The following COL1A1 variants were observed in gnomAD, a reference collection of about 807,000 sequenced individuals.
COL1A1 encodes collagen alpha-1(I) chain.
Under a neutral mutation model 195.7 loss-of-function variants are expected in COL1A1, and 21 were observed. The ratio of observed to expected loss-of-function variants is 0.11; its 90% confidence interval spans 0.08 to 0.15. COL1A1 has a LOEUF of 0.15. Ranked by LOEUF, COL1A1 falls within the 10% of genes least tolerant of loss-of-function variation. The pLI, the probability that COL1A1 is intolerant of heterozygous loss-of-function variation, is 1.00. For synonymous variants in COL1A1, 749 were observed against 747.3 expected (o/e 1.00, Z -0.04); for missense variants, 1,365 against 2,051.0 (o/e 0.67, Z 6.46).
Position 50,194,488 on chromosome 17 carries a change from T to C in COL1A1, c.1516-41A>G, listed in dbSNP as rs1356130451. On this transcript the variant is annotated intron_variant, in intron 22 of 50. Coordinates refer to ENST00000225964, the MANE Select transcript of COL1A1 (RefSeq NM_000088.4). This position sits in a 1 kb window ranked among gnomAD's most constrained non-coding sequence, Gnocchi z 6.8. The stretch of plus-strand genomic sequence containing the variant: ...CACAGGAACAGTTAGGGTCTCAAGT[T>C]TGTGGCTCTTTGCCACGGGCCAAAA... 3.7e-6 allele frequency: 6 copies of C among 1,613,222 alleles called. No homozygotes were observed. The highest frequency in any genetic ancestry group is 5.1e-6 in the Non-Finnish European group (6 of 1,179,498).
At position 50,186,120 on chromosome 17, in the gene COL1A1, A is replaced by T; in HGVS notation, c.4006-100T>A. 1 of 1,569,288 alleles carries T rather than the reference A, an allele frequency of 6.4e-7. No individual in the cohort carries two copies. The highest frequency in any genetic ancestry group is 8.6e-7 in the Non-Finnish European group (1 of 1,158,980). On this transcript the variant is annotated intron_variant, in intron 49 of 50. Transcript: ENST00000225964. This position sits in a 1 kb window ranked among gnomAD's most constrained non-coding sequence, Gnocchi z 5.3. ...GGGTCCTCAGAGAGCTGCCCAATGC[A>T]CCGTTATATCGAGAGGAGGCACCAC...
chr17:50,196,511 AGG>A lies in COL1A1; in HGVS notation c.874_875del (p.Pro292TrpfsTer2). The stretch of plus-strand genomic sequence containing the variant: ...TCTGACCAGGAGCTCCATTTTCACC[AGG>A]GCTGCCAGGCTCACCCTGTAGATCA... ...PAGPKGEPGS[P>X]GENGAPGQMG... On this transcript the variant is annotated frameshift_variant, in exon 13 of 51. Coordinates refer to ENST00000225964, the MANE Select transcript of COL1A1 (RefSeq NM_000088.4). LOFTEE classifies it high-confidence loss of function. 6.2e-7 allele frequency: 1 copy of A among 1,614,184 alleles called. No individual in the cohort carries two copies. The highest frequency in any genetic ancestry group is 8.5e-7 in the Non-Finnish European group (1 of 1,180,032).
At chr17:50,187,725 G>T in intron 45 of COL1A1, 151 bp downstream of exon 45, 1 of 926,250 alleles carries the variant, frequency 1.1e-6, no homozygotes, top group Non-Finnish European at 1.7e-6. Context: ...CACCCTCTCA[G>T]AAGCTACTTG....
At position 50,185,546 on chromosome 17, in the gene COL1A1, C is replaced by A. The variant is rs1339511647; in HGVS notation, c.4351G>T (p.Asp1451Tyr). The A allele has an allele frequency of 4.3e-6, 7 of 1,613,056 alleles. No homozygotes were observed. The highest frequency in any genetic ancestry group is 5.9e-6 in the Non-Finnish European group (7 of 1,179,892). Residue 1451 changes from aspartate (D) to tyrosine (Y), a missense_variant, in exon 51 of 51, where the codon GAC becomes TAC. Physicochemically the swap from Asp to Tyr is radical, Grantham distance 160. Coordinates refer to ENST00000225964, the MANE Select transcript of COL1A1 (RefSeq NM_000088.4). ...CCAACGTCGAAGCCGAATTCCTGGT[C>A]TGGGGCACCAACGTCCAAGGGGGCC... ...DVAPLDVGAP[D>Y]QEFGFDVGPV...
In COL1A1 at chr17:50,199,677, G is replaced by A; in HGVS notation, c.298+76C>T. 7 of 1,606,354 alleles carry A rather than the reference G, an allele frequency of 4.4e-6. No homozygotes were observed. The South Asian group carries it at 7.7e-5, about 18-fold the overall frequency. On this transcript the variant is annotated intron_variant, in intron 2 of 50. Transcript: ENST00000225964. ...GGCCTCCAGCACGGAGGGCCAGCGA[G>A]CGCCGACCACCCCCAGCCCCAGCCC...
rs1906302647 is a variant in COL1A1 at position 50,184,525 on chromosome 17, G to A, written c.*977C>T. 1 of 221,584 alleles carries A rather than the reference G, an allele frequency of 4.5e-6. No individual in the cohort carries two copies. The highest frequency in any genetic ancestry group is 9.0e-6 in the Non-Finnish European group (1 of 111,226). The allele number at this position is 221,584 out of a possible 1,614,324, so 13.7% of individuals were successfully genotyped here. On this transcript the variant is annotated 3_prime_UTR_variant, in exon 51 of 51. Transcript: ENST00000225964. ...ATATCAAGGAATAAAAATAGACTTT[G>A]AACAAAAAGGAACATTTGCTGGCCT... is the stretch of plus-strand genomic sequence containing the variant.
In COL1A1 at chr17:50,190,564, G is replaced by A. The variant is rs1024602742; in HGVS notation, c.2376C>T (p.Pro792=). 2 of 1,612,480 alleles carry A rather than the reference G, an allele frequency of 1.2e-6. No homozygotes were observed. The highest frequency in any genetic ancestry group is 1.7e-6 in the Non-Finnish European group (2 of 1,179,062). The part of the protein sequence containing the change: ...GESGPSGPAG[P]TGARGAPGDR... ...TTACGGGGGCACCACGAGCTCCAGTGGGACCAGCAGGGCCGCTGGGACCAC... is the reference window on the plus strand; with the variant it reads ...TTACGGGGGCACCACGAGCTCCAGTAGGACCAGCAGGGCCGCTGGGACCAC... The change falls in exon 34 of 51, where the codon CCC becomes CCT. Residue 792 remains proline, a synonymous_variant. Coordinates refer to ENST00000225964, the MANE Select transcript of COL1A1 (RefSeq NM_000088.4). This position sits in a 1 kb window ranked among gnomAD's most constrained non-coding sequence, Gnocchi z 4.7.
rs1311018170 is a variant in COL1A1 at position 50,197,003 on chromosome 17, G to A, written c.804+7C>T. 4.3e-6 allele frequency: 7 copies of A among 1,614,006 alleles called. No individual in the cohort carries two copies. In the South Asian group the frequency reaches 4.4e-5, roughly 10 times the overall value. ...TGGGGAGCTTAAATGACTCAAAGGT[G>A]ACTCACTCTGTGTCCCTTCATTCCA... On this transcript the variant is annotated splice_region_variant and intron_variant, in intron 11 of 50. Transcript: ENST00000225964.
At position 50,188,967 on chromosome 17, in the gene COL1A1, C is replaced by T. The variant is rs548928043; in HGVS notation, c.2981G>A (p.Arg994His). ...KQGPSGASGE[R>H]GPPGPMGPPG... ...GGGGCCCATGGGACCAGGGGGACCA[C>T]GTTCACCACTTGCTCCAGAGGGACC... Residue 994 changes from arginine (R) to histidine (H), a missense_variant, in exon 41 of 51, where the codon CGT (arginine) becomes CAT (histidine). Coordinates refer to ENST00000225964, the MANE Select transcript of COL1A1 (RefSeq NM_000088.4). This position sits in a 1 kb window ranked among gnomAD's most constrained non-coding sequence, Gnocchi z 5.6. 2.4e-5 allele frequency: 39 copies of T among 1,610,722 alleles called. No individual in the cohort carries two copies. The highest frequency in any genetic ancestry group is 1.0e-4 in the Admixed American group (6 of 59,824).
At position 50,193,689 on chromosome 17, in the gene COL1A1, G is replaced by A. The variant is rs1009159521; in HGVS notation, c.1767+254C>T. ...GTAGAGACGTGGTTTCACTATGTTG[G>A]CCCGACTGGTCTCAAACTCCTGACC... On this transcript the variant is annotated intron_variant, in intron 25 of 50. Coordinates refer to ENST00000225964, the MANE Select transcript of COL1A1 (RefSeq NM_000088.4). The A allele has an allele frequency of 1.2e-5, 6 of 483,350 alleles. No individual in the cohort carries two copies. In the East Asian group the frequency reaches 2.4e-4, roughly 19 times the overall value. 29.9% of individuals were successfully genotyped at this position (483,350 alleles called of 1,614,324 possible). A position where few individuals can be genotyped will look rare whatever the true frequency, so the allele number is the denominator to read the frequency against.
intron 11 of COL1A1, 150 bp from the exon 12 acceptor site, chr17:50,196,820 C>T: frequency 8.7e-7 from 1 of 1,151,712 alleles, no homozygotes; most frequent in Non-Finnish European, 1.3e-6. Context: ...CTCTAGATCT[C>T]ACCCAATCGT....
rs778734618 is a variant in COL1A1, at chr17:50,185,984, C to T, written c.4042G>A (p.Val1348Met). The change falls in exon 50 of 51, where the codon GTG becomes ATG. Residue 1348 changes from valine (V) to methionine (M), a missense_variant. Val to Met is a conservative substitution (Grantham distance 21). Transcript: ENST00000225964. ...YGGQGSDPAD[V>M]AIQLTFLRLM... is the part of the protein sequence containing the mutation. The stretch of plus-strand genomic sequence containing the variant: ...CGCAGGAAGGTCAGCTGGATGGCCA[C>T]ATCGGCAGGGTCGGAGCCCTGGCCG... The T allele has an allele frequency of 1.2e-6, 2 of 1,613,646 alleles. No homozygotes were observed. Among genetic ancestry groups the T allele is most frequent in the Admixed American group, 1.7e-5 (1 of 60,018 alleles).
chr17:50,198,019 A>C lies in COL1A1; in HGVS notation c.589-17T>G. 1 of 1,613,888 alleles carries C rather than the reference A, an allele frequency of 6.2e-7. No homozygotes were observed. Among genetic ancestry groups the C allele is most frequent in the Non-Finnish European group, 8.5e-7 (1 of 1,179,902 alleles). ...TTGGGGACCCTTGAGAAGAAGGAAAAAGATGGGTTAGAAGACAAGTCCCTG... is the reference window on the plus strand; with the variant it reads ...TTGGGGACCCTTGAGAAGAAGGAAACAGATGGGTTAGAAGACAAGTCCCTG... On this transcript the variant is annotated splice_polypyrimidine_tract_variant and intron_variant, in intron 7 of 50. Coordinates refer to ENST00000225964, the MANE Select transcript of COL1A1 (RefSeq NM_000088.4).
chr17:50,186,408 G>A lies in COL1A1; in HGVS notation c.3914C>T (p.Pro1305Leu), dbSNP rs201746814. The A allele has an allele frequency of 1.2e-6, 2 of 1,614,152 alleles. No individual in the cohort carries two copies. The highest frequency in any genetic ancestry group is 4.5e-5 in the East Asian group (2 of 44,884). Residue 1305 changes from proline (P) to leucine (L), a missense_variant, in exon 49 of 51, where the codon CCC becomes CTC. By Grantham distance (98) the Pro-to-Leu change is moderately conservative. Around this residue, in one of 5 missense-constraint regions of COL1A1, gnomAD observed 273 missense variants for 338.6 expected, o/e 0.81. Coordinates refer to ENST00000225964, the MANE Select transcript of COL1A1 (RefSeq NM_000088.4). This position sits in a 1 kb window ranked among gnomAD's most constrained non-coding sequence, Gnocchi z 5.3. ...TGETCVYPTQPSVAQKNWYIS... is the reference protein window; with the variant it reads ...TGETCVYPTQLSVAQKNWYIS... ...GTACCAGTTCTTCTGGGCCACACTG[G>A]GCTGAGTGGGGTACACGCAGGTCTC...
Position 50,186,331 on chromosome 17 carries a change from T to C in COL1A1, c.3991A>G (p.Thr1331Ala). Residue 1331 changes from threonine (T) to alanine (A), a missense_variant, in exon 49 of 51, where the codon ACC becomes GCC. Transcript: ENST00000225964. The surrounding 1 kb of genome is among the most constrained non-coding windows in gnomAD (Gnocchi z 5.3). ...KRHVWFGESM[T>A]DGFQFEYGGQ... ...AGCTCACGCACCTGGAATCCATCGG[T>C]CATGCTCTCGCCGAACCAGACATGC... The C allele has an allele frequency of 6.2e-7, 1 of 1,614,204 alleles. No individual in the cohort carries two copies. Among genetic ancestry groups the C allele is most frequent in the Non-Finnish European group, 8.5e-7 (1 of 1,180,034 alleles).
In COL1A1 at chr17:50,194,037, G is replaced by T. The variant is rs1434840230; in HGVS notation, c.1673C>A (p.Pro558His). Reference sequence around the variant, plus strand: ...TCCGGGGCGACCATCTTGACCGGCGGGACCCTAAGGATGGGAGGCACGAAA... The same window carrying T: ...TCCGGGGCGACCATCTTGACCGGCGTGACCCTAAGGATGGGAGGCACGAAA... Reference protein sequence around the residue: ...GPDGKTGPPGPAGQDGRPGPP... With the variant: ...GPDGKTGPPGHAGQDGRPGPP... The change falls in exon 25 of 51, where the codon CCC becomes CAC. Residue 558 changes from proline to histidine, a missense_variant. Transcript: ENST00000225964. This position sits in a 1 kb window ranked among gnomAD's most constrained non-coding sequence, Gnocchi z 6.8. The T allele has an allele frequency of 1.9e-6, 3 of 1,613,828 alleles. No homozygotes were observed. In the Admixed American group the frequency reaches 5.0e-5, roughly 27 times the overall value.
Position 50,186,416 on chromosome 17 carries a change from G to A in COL1A1, c.3906C>T (p.Pro1302=), listed in dbSNP as rs188887858. ...TCTTCTGGGCCACACTGGGCTGAGT[G>A]GGGTACACGCAGGTCTCACCAGTCT... ...NMETGETCVY[P]TQPSVAQKNW... The change falls in exon 49 of 51, where the codon CCC becomes CCT. Residue 1302 remains proline (P), a synonymous_variant. Transcript: ENST00000225964. The surrounding 1 kb of genome is among the most constrained non-coding windows in gnomAD (Gnocchi z 5.3). The A allele has an allele frequency of 1.1e-5, 17 of 1,614,170 alleles. No homozygotes were observed. In the Middle Eastern group the frequency reaches 4.9e-4, roughly 47 times the overall value.
Position 50,188,451 on chromosome 17 carries a change from A to G in COL1A1, c.3207+79T>C. On this transcript the variant is annotated intron_variant, in intron 43 of 50. Coordinates refer to ENST00000225964, the MANE Select transcript of COL1A1 (RefSeq NM_000088.4). The surrounding 1 kb of genome is among the most constrained non-coding windows in gnomAD (Gnocchi z 5.6). Reference sequence around the variant, plus strand: ...TCCCCCTGCCTGGGTGAAGTCCGACACCCATCCCCAGGCCTCTAAGGAGGC... The same window carrying G: ...TCCCCCTGCCTGGGTGAAGTCCGACGCCCATCCCCAGGCCTCTAAGGAGGC... 2.2e-6 allele frequency: 3 copies of G among 1,370,664 alleles called. No homozygotes were observed. Among genetic ancestry groups the G allele is most frequent in the Non-Finnish European group, 3.1e-6 (3 of 961,182 alleles). 84.9% of individuals were successfully genotyped at this position (1,370,664 alleles called of 1,614,324 possible). A position where few individuals can be genotyped will look rare whatever the true frequency, so the allele number is the denominator to read the frequency against.
intron 31 of COL1A1, 104 bp downstream of exon 31, chr17:50,191,684 C>T: frequency 7.5e-7 from 1 of 1,341,438 alleles, no homozygotes; most frequent in Non-Finnish European, 1.0e-6. Context: ...CCACCCCACA[C>T]CCTATCTCCA....
Sources: allele counts gnomAD v4.1 joint callset, GRCh38; gene constraint gnomAD v4.1.1; regional missense constraint gnomAD v4.1.1; non-coding constraint Gnocchi (gnomAD v3.1); transcripts MANE v1.5; gene names NCBI Gene and HGNC (gene_info 2026-07-23, HGNC 2026-07-21).